Variants in IARS2 observed in about 807,000 individuals in gnomAD.
The protein encoded by IARS2 is isoleucyl-tRNA synthetase 2, mitochondrial.
IARS2 carries 56 observed loss-of-function variants against 126.3 expected under a neutral mutation model. That is an observed-to-expected ratio of 0.44 (90% CI 0.36 to 0.55). The LOEUF is 0.55. IARS2 is among the 20% of genes least tolerant of loss of function. The pLI is 0.00. For missense variants in IARS2, 1,127 were observed against 1,245.9 expected (o/e 0.90, Z 1.44); for synonymous variants, 407 against 441.1 (o/e 0.92, Z 0.97).
At chr1:220,122,426 C>T (rs1405906012) in intron 12 of IARS2, among the ~76,000 whole-genome samples, 1 of 152,166 alleles carries the variant, frequency 6.6e-6, no homozygotes, top group Non-Finnish European at 1.5e-5. Context: ...TCTGCCATTG[C>T]TTAGCAAACT....
chr1:220,111,313 A>G (rs1431561557), intron 11 of IARS2, among the ~76,000 whole-genome samples: 1 of 152,112 alleles, frequency 6.6e-6, no homozygotes, highest in African/African-American at 2.4e-5. Flanking sequence ...GGAGTAAGGA[A>G]ATTCGAGTTT....
At chr1:220,101,290 G>A (rs1454137470) in intron 3 of IARS2, among the ~76,000 whole-genome samples, 1 of 152,140 alleles carries the variant, frequency 6.6e-6, no homozygotes, top group African/African-American at 2.4e-5. Flanking sequence ...ATAAAGTCTG[G>A]AAAATACAGA....
At chr1:220,137,850 TA>T in intron 16 of IARS2, 67 bp from the exon 17 acceptor site, 1 of 1,575,470 alleles carries the variant, frequency 6.3e-7, no homozygotes, top group Non-Finnish European at 8.7e-7. Context: ...GAGCTTTACC[TA>T]AAACATTTGT....
intron 17 of IARS2, among the ~76,000 whole-genome samples, chr1:220,138,721 A>G (rs1001583871): frequency 1.3e-5 from 2 of 152,190 alleles, no homozygotes; most frequent in African/African-American, 4.8e-5. Flanking sequence ...ACATGAATAA[A>G]CTGGGCTACT....
At chr1:220,147,102 G>A (rs1243499843) in intron 22 of IARS2, among the ~76,000 whole-genome samples, 1 of 152,180 alleles carries the variant, frequency 6.6e-6, no homozygotes, top group East Asian at 1.9e-4. Flanking sequence ...GATATTTTGA[G>A]TGAGGACACT....
At chr1:220,144,158 G>T (rs1035473500) in intron 21 of IARS2, 1 of 802,736 alleles carries the variant, frequency 1.2e-6, no homozygotes, top group African/African-American at 1.7e-5. Context: ...CTGCCTGTGA[G>T]GTTCACAACA....
At chr1:220,102,820 T>G (rs776586188) in intron 7 of IARS2, 43 bp downstream of exon 7, 9 of 1,031,856 alleles carry the variant, frequency 8.7e-6, no homozygotes, top group Non-Finnish European at 1.4e-5. Context: ...ACAAATAGAA[T>G]GTATTCCATT....
Position 220,102,530 on chromosome 1 carries a change from C to T in IARS2, c.785C>T (p.Pro262Leu), listed in dbSNP as rs1325734483. 3.7e-6 allele frequency: 6 copies of T among 1,613,926 alleles called. No individual in the cohort carries two copies. The highest frequency in any genetic ancestry group is 8.5e-7 in the Non-Finnish European group (1 of 1,179,932). ...GCTGAAGCAGAACTTGAATATAATC[C>T]TGAGCATGTCAGTCGTTCAATATAT... ...ALAEAELEYN[P>L]EHVSRSIYVK... Residue 262 changes from proline (P) to leucine (L), a missense_variant, in exon 6 of 23, where the codon CCT becomes CTT. Coordinates refer to ENST00000366922, the MANE Select transcript of IARS2 (RefSeq NM_018060.4).
intron 3 of IARS2, among the ~76,000 whole-genome samples, chr1:220,101,544 A>G (rs1481489925): frequency 1.3e-5 from 2 of 152,036 alleles, no homozygotes; most frequent in African/African-American, 2.4e-5. Context: ...TACTAAAAAT[A>G]CCAAATAATT....
Position 220,100,636 on chromosome 1 carries a change from A to G in IARS2, c.537A>G (p.Glu179=), listed in dbSNP as rs1374893539. Residue 179 remains glutamate, a synonymous_variant, in exon 3 of 23, where the codon GAA becomes GAG. Transcript: ENST00000366922. Reference sequence around the variant, plus strand: ...AAGCTCAGAATCTTTCAGCTATGGAAATTAGAAAGAAAGGTAAATAATCTG... The same window carrying G: ...AAGCTCAGAATCTTTCAGCTATGGAGATTAGAAAGAAAGGTAAATAATCTG... ...GREAQNLSAM[E]IRKKARSFAK... 6.2e-6 allele frequency: 10 copies of G among 1,606,600 alleles called. No individual in the cohort carries two copies. The highest frequency in any genetic ancestry group is 8.5e-6 in the Non-Finnish European group (10 of 1,174,662).
intron 12 of IARS2, among the ~76,000 whole-genome samples, chr1:220,121,172 G>A (rs1015529835): frequency 6.6e-6 from 1 of 152,136 alleles, no homozygotes; most frequent in Admixed American, 6.5e-5. Context: ...ATAATTGCAG[G>A]ATTGCTTTTC....
chr1:220,122,496 C>T (rs1657069876), intron 12 of IARS2, among the ~76,000 whole-genome samples: 1 of 152,142 alleles, frequency 6.6e-6, no homozygotes, highest in South Asian at 2.1e-4. Flanking sequence ...GTTAGAGAGG[C>T]AGAATAAAGA....
chr1:220,140,853 G>A (rs932742598), intron 19 of IARS2, among the ~76,000 whole-genome samples: 9 of 151,792 alleles, frequency 5.9e-5, no homozygotes, highest in Admixed American at 2.6e-4. Context: ...GCGTGGTGGC[G>A]GGTGCCTGTA....
intron 13 of IARS2, among the ~76,000 whole-genome samples, chr1:220,125,881 C>T (rs950419286): frequency 2.0e-5 from 3 of 151,158 alleles, no homozygotes; most frequent in Admixed American, 2.0e-4. Context: ...CCGAGGCGGG[C>T]AGATCACAAG....
intron 14 of IARS2, among the ~76,000 whole-genome samples, chr1:220,132,422 A>G (rs1164307705): frequency 6.6e-6 from 1 of 150,546 alleles, no homozygotes; most frequent in Non-Finnish European, 1.5e-5. Flanking sequence ...GGGTTTATCC[A>G]TTTCCTCCAG....
At chr1:220,145,970 G>A (rs181072761) in intron 22 of IARS2, among the ~76,000 whole-genome samples, 2 of 152,188 alleles carry the variant, frequency 1.3e-5, no homozygotes, top group African/African-American at 4.8e-5. Context: ...GTGTCCCCCT[G>A]CTTTGATACT....
intron 11 of IARS2, among the ~76,000 whole-genome samples, chr1:220,113,690 G>T (rs1219444607): frequency 6.8e-6 from 1 of 146,248 alleles, no homozygotes; most frequent in Non-Finnish European, 1.5e-5. Flanking sequence ...TGTCGCCCAG[G>T]TTGGAGTGCA....
chr1:220,140,126 C>T, intron 18 of IARS2, 57 bp from the exon 19 acceptor site: 1 of 993,632 alleles, frequency 1.0e-6, no homozygotes, highest in Non-Finnish European at 1.6e-6. Context: ...CTTGTGATGA[C>T]TTACATTTTC....
At position 220,147,481 on chromosome 1, in the gene IARS2, A is replaced by T; in HGVS notation, c.2897-12A>T. ...TGCCTATCAGAAATACTCTTCATGTATTTTTTTATAGGTGGTGATATTCGT... is the reference window on the plus strand; with the variant it reads ...TGCCTATCAGAAATACTCTTCATGTTTTTTTTTATAGGTGGTGATATTCGT... On this transcript the variant is annotated splice_polypyrimidine_tract_variant and intron_variant, in intron 22 of 22. Coordinates refer to ENST00000366922, the MANE Select transcript of IARS2 (RefSeq NM_018060.4). 1 of 1,613,550 alleles carries T rather than the reference A, an allele frequency of 6.2e-7. No homozygotes were observed. Among genetic ancestry groups the T allele is most frequent in the Non-Finnish European group, 8.5e-7 (1 of 1,179,508 alleles).
Sources: allele counts gnomAD v4.1 joint callset (sites outside exome capture counted in the v4.1 genomes callset), GRCh38; gene constraint gnomAD v4.1.1; transcripts MANE v1.5; gene names NCBI Gene and HGNC (gene_info 2026-07-23, HGNC 2026-07-21).